The following DTNBP1 variants were observed in gnomAD, a reference collection of about 807,000 sequenced individuals.
DTNBP1 encodes dysbindin.
Under a neutral mutation model 42.8 loss-of-function variants are expected in DTNBP1, and 35 were observed. That is an observed-to-expected ratio of 0.82 (90% CI 0.63 to 1.09). The LOEUF is 1.09. Among genes scored for constraint, DTNBP1 ranks in the 50% least tolerant of loss-of-function variants. The pLI, the probability that DTNBP1 is intolerant of heterozygous loss-of-function variation, is 0.00. For missense variants in DTNBP1, 457 were observed against 424.2 expected (o/e 1.08, Z -0.68); for synonymous variants, 171 against 162.2 (o/e 1.05, Z -0.41).
At chr6:15,531,583 A>G (rs1772830309) in intron 8 of DTNBP1, among the ~76,000 whole-genome samples, 1 of 152,196 alleles carries the variant, frequency 6.6e-6, no homozygotes. Flanking sequence ...TACTGCTATT[A>G]ATCTATTTTT....
chr6:15,602,324 G>T (rs1211325261), intron 6 of DTNBP1, among the ~76,000 whole-genome samples: 1 of 152,174 alleles, frequency 6.6e-6, no homozygotes, highest in Non-Finnish European at 1.5e-5. Context: ...CTGTTTTCTT[G>T]TTGCTGACTT....
At chr6:15,604,670 C>G (rs1757922442) in intron 6 of DTNBP1, among the ~76,000 whole-genome samples, 1 of 151,302 alleles carries the variant, frequency 6.6e-6, no homozygotes, top group East Asian at 1.9e-4. Flanking sequence ...TACAGATACG[C>G]CATAATCTCT....
intron 7 of DTNBP1, among the ~76,000 whole-genome samples, chr6:15,567,509 C>A (rs796802823): frequency 3.3e-5 from 5 of 152,094 alleles, no homozygotes; most frequent in African/African-American, 1.2e-4. Flanking sequence ...TTGGTCTCCA[C>A]AACCCTTTAT....
intron 6 of DTNBP1, among the ~76,000 whole-genome samples, chr6:15,607,996 T>C (rs1013783139): frequency 6.6e-6 from 1 of 152,188 alleles, no homozygotes; most frequent in African/African-American, 2.4e-5. Context: ...AATATGCAAA[T>C]ATTAATATTT....
At chr6:15,550,277 C>T (rs548718466) in intron 7 of DTNBP1, among the ~76,000 whole-genome samples, 8 of 152,258 alleles carry the variant, frequency 5.3e-5, no homozygotes, top group Admixed American at 2.0e-4. Flanking sequence ...TCTAGGACAA[C>T]GAGTCTCAAA....
chr6:15,656,284 G>T (rs1761275100), intron 1 of DTNBP1, among the ~76,000 whole-genome samples: 1 of 152,174 alleles, frequency 6.6e-6, no homozygotes, highest in African/African-American at 2.4e-5. Context: ...CATAAGTGCT[G>T]TGTGAGCATA....
Position 15,638,283 on chromosome 6 carries a change from A to G in DTNBP1, c.162-479T>C, listed in dbSNP as rs1214503532. On this transcript the variant is annotated intron_variant, in intron 3 of 9. Transcript: ENST00000344537. Reference sequence around the variant, plus strand: ...GCTGGGATTACAGGTGTGTGCCACCACGCCCTGCTAATTTTTGTATTTTTA... The same window carrying G: ...GCTGGGATTACAGGTGTGTGCCACCGCGCCCTGCTAATTTTTGTATTTTTA... 4.6e-5 allele frequency among the ~76,000 whole-genome samples: 7 copies of G among 152,126 alleles called. No homozygotes were observed. In the East Asian group the frequency reaches 1.4e-3, roughly 29 times the overall value.
At chr6:15,566,431 G>C (rs1253926607) in intron 7 of DTNBP1, among the ~76,000 whole-genome samples, 1 of 152,082 alleles carries the variant, frequency 6.6e-6, no homozygotes, top group Non-Finnish European at 1.5e-5. Context: ...CATGGGAAGA[G>C]GGGGTCAGGC....
At chr6:15,652,207 G>GTGAGACCCT in intron 1 of DTNBP1, 67 bp from the exon 2 acceptor site, 1 of 1,299,890 alleles carries the variant, frequency 7.7e-7, no homozygotes, top group Non-Finnish European at 1.1e-6. Context: ...TTTGAGACAG[G>GTGAGACCCT]GTCTCACTCT....
intron 7 of DTNBP1, among the ~76,000 whole-genome samples, chr6:15,543,769 G>C (rs1221176523): frequency 6.6e-6 from 1 of 152,088 alleles, no homozygotes; most frequent in Non-Finnish European, 1.5e-5. Context: ...TTAGTCACCT[G>C]TTCTGTAACT....
intron 4 of DTNBP1, among the ~76,000 whole-genome samples, chr6:15,628,167 G>C (rs1759463894): frequency 1.3e-5 from 2 of 152,072 alleles, no homozygotes; most frequent in South Asian, 4.1e-4. Flanking sequence ...GTTTCTCCCA[G>C]ACAATTCTGT....
intron 7 of DTNBP1, among the ~76,000 whole-genome samples, chr6:15,557,222 C>T (rs1581317532): frequency 6.8e-6 from 1 of 148,042 alleles, no homozygotes; most frequent in African/African-American, 2.5e-5. Flanking sequence ...TGGTAAAATA[C>T]TATAAGAAGG....
At chr6:15,661,039 C>T (rs1299612760) in intron 1 of DTNBP1, among the ~76,000 whole-genome samples, 2 of 152,168 alleles carry the variant, frequency 1.3e-5, no homozygotes, top group African/African-American at 4.8e-5. Flanking sequence ...TGACTCCGAG[C>T]GTCCATAACT....
At chr6:15,557,361 T>C (rs1774590406) in intron 7 of DTNBP1, among the ~76,000 whole-genome samples, 1 of 152,096 alleles carries the variant, frequency 6.6e-6, no homozygotes, top group Non-Finnish European at 1.5e-5. Flanking sequence ...ACTAATCTTG[T>C]AAAAGAAATT....
intron 6 of DTNBP1, among the ~76,000 whole-genome samples, chr6:15,602,243 G>A (rs146333032): frequency 1.1e-4 from 17 of 152,162 alleles, no homozygotes; most frequent in South Asian, 4.2e-4. Flanking sequence ...TAGAAAAAAC[G>A]GGGCCAACAC....
chr6:15,655,038 G>A (rs2743854), intron 1 of DTNBP1, among the ~76,000 whole-genome samples: 23,482 of 152,184 alleles, frequency 0.15, 2,703 homozygotes, highest in African/African-American at 0.32. Context: ...AAACGTGGCA[G>A]TATCTGAAAA....
chr6:15,522,930 C>T lies in DTNBP1; in HGVS notation c.*45G>A, dbSNP rs774346051. On this transcript the variant is annotated 3_prime_UTR_variant, in exon 10 of 10. Transcript: ENST00000344537. ...TTTCCAGGTGGAATTCCGCATACAG[C>T]CAAAACTGGATTCCAGTGTGGCCAG... 2 of 1,614,196 alleles carry T rather than the reference C, an allele frequency of 1.2e-6. No individual in the cohort carries two copies. The highest frequency in any genetic ancestry group is 1.7e-6 in the Non-Finnish European group (2 of 1,180,044).
intron 7 of DTNBP1, chr6:15,579,873 T>C (rs761304425): frequency 2.4e-5 from 11 of 455,570 alleles, no homozygotes; most frequent in African/African-American, 6.0e-5. Flanking sequence ...TTTGAGGTGA[T>C]AGATATGCTA....
chr6:15,523,563 T>A, intron 9 of DTNBP1: 1 of 267,844 alleles, frequency 3.7e-6, no homozygotes, highest in Non-Finnish European at 5.2e-6. Context: ...TCTAGATTTC[T>A]TTTTTTTTTT....
Sources: gnomAD v4.1 joint callset for allele counts (sites outside exome capture counted in the v4.1 genomes callset) on GRCh38, gnomAD v4.1.1 for gene constraint, MANE v1.5 for transcripts, NCBI Gene and HGNC (gene_info 2026-07-23, HGNC 2026-07-21) for gene names.